The following ZSWIM6 variants were observed in gnomAD, a reference collection of about 807,000 sequenced individuals.
ZSWIM6 encodes zinc finger SWIM domain-containing protein 6.
In ZSWIM6, 9 loss-of-function variants were observed where a neutral mutation model predicts 113.2. That is an observed-to-expected ratio of 0.08 (90% confidence interval 0.05 to 0.14). The LOEUF (loss-of-function observed/expected upper bound fraction) is 0.14, where lower values mean the gene tolerates loss of function less well. Ranked by LOEUF, ZSWIM6 falls within the 10% of genes least tolerant of loss-of-function variation. The probability of loss-of-function intolerance (pLI) is 1.00; values close to 1 mark genes in which losing one functional copy is unlikely to be tolerated. For synonymous variants in ZSWIM6, 611 were observed against 606.5 expected (o/e 1.01, Z -0.11); for missense variants, 1,162 against 1,552.2 (o/e 0.75, Z 4.22).
intron 1 of ZSWIM6, among the ~76,000 whole-genome samples, chr5:61,417,988 A>G (rs1485180385): frequency 6.6e-6 from 1 of 152,204 alleles, no homozygotes; most frequent in African/African-American, 2.4e-5. Flanking sequence ...CCATCAATTT[A>G]CATATGAATA....
At chr5:61,478,705 TTGTGTG>T (rs3067226) in intron 2 of ZSWIM6, among the ~76,000 whole-genome samples, 6 of 147,566 alleles carry the variant, frequency 4.1e-5, no homozygotes, top group South Asian at 2.1e-4. Context: ...GTGTGTGTGT[TTGTGTG>T]TGTGTGTGTG....
intron 1 of ZSWIM6, among the ~76,000 whole-genome samples, chr5:61,350,512 A>G (rs1680988088): frequency 6.6e-6 from 1 of 152,186 alleles, no homozygotes; most frequent in Admixed American, 6.5e-5. Context: ...GAAGCAGTTA[A>G]GAGATTCTCA....
rs190236518 is a variant in ZSWIM6, at chr5:61,510,496, G to A, written c.1334-10767G>A. On this transcript the variant is annotated intron_variant, in intron 4 of 13. Transcript: ENST00000252744. ...ATTGGAACCATTTACTTTGTGTGAC[G>A]AATGCTTTTTTTTTTTTCTTCCCTG... Among the ~76,000 whole-genome samples the A allele has an allele frequency of 3.3e-3, 463 of 138,494 alleles. 13 individuals are homozygous for A. Among genetic ancestry groups the A allele is most frequent in the South Asian group, 1.7e-3 (7 of 4,082 alleles). The allele number at this position is 138,494 out of a possible 152,430, so 90.9% of individuals were successfully genotyped here.
rs1473002606 is a variant in ZSWIM6, at chr5:61,479,987, CTT to C, written c.1033+6953_1033+6954del. On this transcript the variant is annotated intron_variant, in intron 2 of 13. Transcript: ENST00000252744. ...TAAAGCCTGCAAACATAGTTGATCT[CTT>C]TTAATAAATCTGAAGAGTTGGATTA... is the stretch of plus-strand genomic sequence containing the variant. Among the ~76,000 whole-genome samples, 4 of 151,824 alleles carry C rather than the reference CTT, an allele frequency of 2.6e-5. No homozygotes were observed. In the South Asian group the frequency reaches 8.3e-4, roughly 31 times the overall value.
Position 61,332,905 on chromosome 5 carries a change from C to G in ZSWIM6, c.633C>G (p.Ile211Met), listed in dbSNP as rs1320769417. 1 of 1,352,540 alleles carries G rather than the reference C, an allele frequency of 7.4e-7. No individual in the cohort carries two copies. The highest frequency in any genetic ancestry group is 1.6e-5 in the South Asian group (1 of 64,216). The allele number at this position is 1,352,540 out of a possible 1,614,324, so 83.8% of individuals were successfully genotyped here. The change falls in exon 1 of 14, where the codon ATC (isoleucine) becomes ATG (methionine). Residue 211 changes from isoleucine (I) to methionine (M), a missense_variant. This residue lies in a region of ZSWIM6 where 333 missense variants were observed against 293.4 expected (regional missense o/e 1.13). Transcript: ENST00000252744. ...DETRLPFRRG[I>M]ALLESGCVDN... Reference sequence around the variant, plus strand: ...CGCGGCTGCCTTTCCGCCGGGGCATCGCGCTGTTGGAAAGCGGCTGCGTAG... The same window carrying G: ...CGCGGCTGCCTTTCCGCCGGGGCATGGCGCTGTTGGAAAGCGGCTGCGTAG...
chr5:61,454,621 C>CTGGAATG (rs1485945073), intron 1 of ZSWIM6, among the ~76,000 whole-genome samples: 16 of 147,432 alleles, frequency 1.1e-4, no homozygotes, highest in Non-Finnish European at 1.2e-4. Context: ...GTTGCCCAAG[C>CTGGAATG]TGGAATGTGG....
intron 1 of ZSWIM6, chr5:61,391,931 G>A: frequency 1.8e-6 from 1 of 547,562 alleles, no homozygotes; most frequent in Non-Finnish European, 3.2e-6. Context: ...TTTTGAGCCA[G>A]GGATCCTCTT....
At chr5:61,387,920 G>T (rs538834106) in intron 1 of ZSWIM6, among the ~76,000 whole-genome samples, 133 of 148,366 alleles carry the variant, frequency 9.0e-4, no homozygotes, top group Non-Finnish European at 1.7e-3. Context: ...TTGAGGGGGG[G>T]AGAAAAGCAC....
At chr5:61,519,396 G>A (rs1464526706) in intron 4 of ZSWIM6, among the ~76,000 whole-genome samples, 1 of 152,064 alleles carries the variant, frequency 6.6e-6, no homozygotes, top group Non-Finnish European at 1.5e-5. Context: ...AAAGTTCCCT[G>A]GATGGGGCTA....
At chr5:61,419,100 GC>G (rs1300548715) in intron 1 of ZSWIM6, among the ~76,000 whole-genome samples, 1 of 152,238 alleles carries the variant, frequency 6.6e-6, no homozygotes, top group Non-Finnish European at 1.5e-5. Context: ...GGGATTACAG[GC>G]ATGAGCCACC....
At chr5:61,410,912 A>G (rs1746138371) in intron 1 of ZSWIM6, among the ~76,000 whole-genome samples, 1 of 152,188 alleles carries the variant, frequency 6.6e-6, no homozygotes, top group African/African-American at 2.4e-5. Context: ...TCCAGGGGAA[A>G]ATGCTTTTTA....
chr5:61,526,202 G>A (rs1210237629), intron 6 of ZSWIM6, 48 bp from the exon 7 acceptor site: 8 of 1,509,512 alleles, frequency 5.3e-6, no homozygotes, highest in Non-Finnish European at 7.1e-6. Context: ...CTTTTTTTAT[G>A]GATATATCTG....
At chr5:61,342,534 TTTGG>T (rs1417537510) in intron 1 of ZSWIM6, among the ~76,000 whole-genome samples, 2 of 152,190 alleles carry the variant, frequency 1.3e-5, no homozygotes, top group Non-Finnish European at 2.9e-5. Context: ...ATGCAGCCTC[TTTGG>T]TTGGTGCTCA....
chr5:61,485,695 G>A (rs1012460074), intron 2 of ZSWIM6, among the ~76,000 whole-genome samples: 1 of 152,054 alleles, frequency 6.6e-6, no homozygotes, highest in African/African-American at 2.4e-5. Flanking sequence ...TGTTTTTCAA[G>A]CAACTATCAT....
intron 1 of ZSWIM6, among the ~76,000 whole-genome samples, chr5:61,357,670 T>C (rs1174255646): frequency 1.3e-5 from 2 of 151,866 alleles, no homozygotes; most frequent in South Asian, 4.2e-4. Context: ...CAGAACTGGC[T>C]CATGTAGTAA....
At chr5:61,437,682 A>C (rs1238614884) in intron 1 of ZSWIM6, among the ~76,000 whole-genome samples, 2 of 143,290 alleles carry the variant, frequency 1.4e-5, no homozygotes, top group Admixed American at 7.6e-5. Context: ...ATGCCACTGC[A>C]CTCTTGTCTG....
chr5:61,489,652 GA>G (rs1748127658), intron 2 of ZSWIM6, among the ~76,000 whole-genome samples: 1 of 152,030 alleles, frequency 6.6e-6, no homozygotes, highest in Admixed American at 6.6e-5. Context: ...AGCAAAATTT[GA>G]AAGCCCCTGA....
intron 1 of ZSWIM6, among the ~76,000 whole-genome samples, chr5:61,431,841 G>C (rs1746590299): frequency 6.6e-6 from 1 of 152,192 alleles, no homozygotes; most frequent in Admixed American, 6.5e-5. Flanking sequence ...GGCATAGCTT[G>C]TGTTGACATG....
Position 61,526,618 on chromosome 5 carries a change from TAC to T in ZSWIM6, c.1837+223_1837+224del, listed in dbSNP as rs1749291332. Reference sequence around the variant, plus strand: ...TTTTTTTTTAATCTCTCAGGTTAGTTACTTTTTTAAGGGGGATAATTTTCTTT... The same window carrying T: ...TTTTTTTTTAATCTCTCAGGTTAGTTTTTTTTAAGGGGGATAATTTTCTTT... On this transcript the variant is annotated intron_variant, in intron 7 of 13. Transcript: ENST00000252744. Among the ~76,000 whole-genome samples, 14 of 152,336 alleles carry T rather than the reference TAC, an allele frequency of 9.2e-5. No homozygotes were observed. In the South Asian group the frequency reaches 2.9e-3, roughly 32 times the overall value.
Sources: allele counts gnomAD v4.1 joint callset (sites outside exome capture counted in the v4.1 genomes callset), GRCh38; gene constraint gnomAD v4.1.1; regional missense constraint gnomAD v4.1.1; transcripts MANE v1.5; gene names NCBI Gene and HGNC (gene_info 2026-07-23, HGNC 2026-07-21).